Variants in UGT1A10 observed in about 807,000 individuals in gnomAD.
UGT1A10 encodes the protein UDP-glucuronosyltransferase 1A10.
In UGT1A10, 49 loss-of-function variants were observed where a neutral mutation model predicts 45.8. That is an observed-to-expected ratio of 1.07 (90% CI 0.85 to 1.36). UGT1A10 has a LOEUF of 1.36. Ranked by LOEUF, UGT1A10 falls within the 40% of genes most tolerant of loss-of-function variation. The probability of loss-of-function intolerance (pLI) is 0.00; values close to 1 mark genes in which losing one functional copy is unlikely to be tolerated. For synonymous variants in UGT1A10, 284 were observed against 249.7 expected (o/e 1.14, Z -1.29); for missense variants, 745 against 668.6 (o/e 1.11, Z -1.26).
chr2:233,745,312 T>A (rs1693068284), intron 1 of UGT1A10, among the ~76,000 whole-genome samples: 1 of 151,876 alleles, frequency 6.6e-6, no homozygotes, highest in South Asian at 2.1e-4. Flanking sequence ...AGTGATTATT[T>A]CCACTAGAAC....
chr2:233,697,897 T>A (rs1318608341), intron 1 of UGT1A10, among the ~76,000 whole-genome samples: 2 of 152,250 alleles, frequency 1.3e-5, no homozygotes, highest in East Asian at 3.8e-4. Context: ...TTGAATCAAA[T>A]CTATTGACTC....
At chr2:233,701,436 G>A (rs897816113) in intron 1 of UGT1A10, among the ~76,000 whole-genome samples, 72 of 152,132 alleles carry the variant, frequency 4.7e-4, no homozygotes, top group Non-Finnish European at 8.1e-4. Context: ...ACAGATCAAC[G>A]AGACAGAAAG....
chr2:233,715,410 T>C (rs75182177), intron 1 of UGT1A10, among the ~76,000 whole-genome samples: 57 of 152,316 alleles, frequency 3.7e-4, no homozygotes, highest in African/African-American at 1.2e-3. Context: ...ATCCTTAAAA[T>C]ACATTTTATC....
chr2:233,676,215 C>T (rs1262027690), intron 1 of UGT1A10, among the ~76,000 whole-genome samples: 2 of 152,116 alleles, frequency 1.3e-5, no homozygotes, highest in East Asian at 1.9e-4. Flanking sequence ...AATCCTTCAC[C>T]GATGGATTCA....
intron 1 of UGT1A10, among the ~76,000 whole-genome samples, chr2:233,751,775 T>C (rs1694807699): frequency 1.3e-5 from 2 of 152,228 alleles, no homozygotes; most frequent in Non-Finnish European, 2.9e-5. Context: ...ATGACTTTGC[T>C]TATCTCTCAC....
chr2:233,692,931 G>A lies in UGT1A10; in HGVS notation c.855+55554G>A. 7 of 1,584,824 alleles carry A rather than the reference G, an allele frequency of 4.4e-6. No individual in the cohort carries two copies. In the South Asian group the frequency reaches 7.2e-5, roughly 16 times the overall value. ...TGTGAAAAGCAGTGGTTAGTTTAGG[G>A]AAAATACCTAGGAGCCCTGTGATTT... On this transcript the variant is annotated intron_variant, in intron 1 of 4. Coordinates refer to ENST00000344644, the MANE Select transcript of UGT1A10 (RefSeq NM_019075.4).
At chr2:233,678,737 T>C (rs1383444889) in intron 1 of UGT1A10, among the ~76,000 whole-genome samples, 1 of 150,274 alleles carries the variant, frequency 6.7e-6, no homozygotes, top group African/African-American at 2.4e-5. Flanking sequence ...CAAGTACTGA[T>C]TGGAAAGCAC....
intron 1 of UGT1A10, among the ~76,000 whole-genome samples, chr2:233,661,852 G>C (rs964399630): frequency 6.6e-6 from 1 of 151,104 alleles, no homozygotes; most frequent in Middle Eastern, 3.4e-3. Flanking sequence ...ACTTTGTATG[G>C]GTCCTATGGT....
At chr2:233,760,330 C>G (rs2125982719) in intron 1 of UGT1A10, 1 of 1,614,052 alleles carries the variant, frequency 6.2e-7, no homozygotes. Flanking sequence ...TGTCCTGGGC[C>G]TGCTGCTGTG....
chr2:233,715,984 A>T (rs2076481106), intron 1 of UGT1A10, among the ~76,000 whole-genome samples: 1 of 152,170 alleles, frequency 6.6e-6, no homozygotes, highest in African/African-American at 2.4e-5. Context: ...TTGATTTAAA[A>T]CACAACAAAA....
chr2:233,681,819 T>C (rs1194229419), intron 1 of UGT1A10: 1 of 1,500,972 alleles, frequency 6.7e-7, no homozygotes, highest in African/African-American at 1.4e-5. Context: ...GAATTTTTTT[T>C]TAAATGAATG....
chr2:233,755,135 T>C, intron 1 of UGT1A10: 2 of 1,315,650 alleles, frequency 1.5e-6, no homozygotes, highest in Non-Finnish European at 2.1e-6. Context: ...CCTGCTTGAA[T>C]CTTCTCACCG....
chr2:233,648,061 A>G lies in UGT1A10; in HGVS notation c.855+10684A>G, dbSNP rs1233463909. On this transcript the variant is annotated intron_variant, in intron 1 of 4. Coordinates refer to ENST00000344644, the MANE Select transcript of UGT1A10 (RefSeq NM_019075.4). The stretch of plus-strand genomic sequence containing the variant: ...AAGATCACTGAATTGCACAGTGAAG[A>G]CTTCTTCAACCTTATACACCCTGGA... 3 of 1,573,032 alleles carry G rather than the reference A, an allele frequency of 1.9e-6. No homozygotes were observed. In the South Asian group the frequency reaches 3.6e-5, roughly 19 times the overall value.
Position 233,682,609 on chromosome 2 carries a change from C to A in UGT1A10, c.855+45232C>A, listed in dbSNP as rs367786048. ...AACATTTATTTTGCCCCTATTTTTT[C>A]AAAAATGTCTTAGAAATAGCCTCTG... On this transcript the variant is annotated intron_variant, in intron 1 of 4. Transcript: ENST00000344644. 2.0e-5 allele frequency: 33 copies of A among 1,613,744 alleles called. No homozygotes were observed. The South Asian group carries it at 3.1e-4, about 15-fold the overall frequency.
chr2:233,685,750 T>C (rs921568382), intron 1 of UGT1A10, among the ~76,000 whole-genome samples: 1 of 152,254 alleles, frequency 6.6e-6, no homozygotes, highest in Non-Finnish European at 1.5e-5. Flanking sequence ...TTTTCTTCCA[T>C]TTTAAAGAAA....
chr2:233,646,271 C>T (rs929287730), intron 1 of UGT1A10, among the ~76,000 whole-genome samples: 19 of 152,164 alleles, frequency 1.2e-4, no homozygotes, highest in Non-Finnish European at 4.4e-5. Flanking sequence ...GGCCTCCAGG[C>T]CTGTGATGGG....
At chr2:233,673,073 A>C (rs1319361488) in intron 1 of UGT1A10, among the ~76,000 whole-genome samples, 10 of 152,204 alleles carry the variant, frequency 6.6e-5, no homozygotes, top group Non-Finnish European at 1.5e-4. Context: ...GTAAGAAATG[A>C]AACTTCCCTT....
rs576748005 is a variant in UGT1A10 at position 233,703,104 on chromosome 2, T to C, written c.856-63930T>C. On this transcript the variant is annotated intron_variant, in intron 1 of 4. Coordinates refer to ENST00000344644, the MANE Select transcript of UGT1A10 (RefSeq NM_019075.4). ...GCTTTTCTTGCAGGAGGTTTTAAAA[T>C]TACTAATTTAATCTTTTTACCTGTT... Among the ~76,000 whole-genome samples, 7 of 152,330 alleles carry C rather than the reference T, an allele frequency of 4.6e-5. No homozygotes were observed. The East Asian group carries it at 1.3e-3, about 29-fold the overall frequency.
At chr2:233,676,946 T>C (rs2074376697) in intron 1 of UGT1A10, among the ~76,000 whole-genome samples, 1 of 152,218 alleles carries the variant, frequency 6.6e-6, no homozygotes, top group African/African-American at 2.4e-5. Context: ...TGTGAAATAT[T>C]TGATTACTAT....
Sources: allele counts gnomAD v4.1 joint callset (sites outside exome capture counted in the v4.1 genomes callset), GRCh38; gene constraint gnomAD v4.1.1; transcripts MANE v1.5; gene names NCBI Gene and HGNC (gene_info 2026-07-23, HGNC 2026-07-21).